CNTN6: variants seen among roughly 807,000 people sequenced by gnomAD.
The protein encoded by CNTN6 is contactin 6.
In CNTN6, 137 loss-of-function variants were observed where a neutral mutation model predicts 122.8. That is an observed-to-expected ratio of 1.12 (90% confidence interval 0.97 to 1.29). CNTN6 has a LOEUF of 1.29. CNTN6 is among the 50% of genes most tolerant of loss of function. The pLI, the probability that CNTN6 is intolerant of heterozygous loss-of-function variation, is 0.00. For synonymous variants in CNTN6, 570 were observed against 426.0 expected (o/e 1.34, Z -4.16); for missense variants, 1,634 against 1,223.4 (o/e 1.34, Z -5.01).
At chr3:1,111,195 T>C (rs2091463953) in intron 1 of CNTN6, among the ~76,000 whole-genome samples, 1 of 152,172 alleles carries the variant, frequency 6.6e-6, no homozygotes, top group Non-Finnish European at 1.5e-5. Flanking sequence ...TTGTAGATGT[T>C]ATGCGGAAAG....
At position 1,295,611 on chromosome 3, in the gene CNTN6, T is replaced by C; in HGVS notation, c.465T>C (p.Tyr155=). ...GPPPHFGDLS[Y]AWTFNDNPLY... ...TTTCTTGTTTTTCAGATTTATCTTA[T>C]GCATGGACCTTCAATGATAACCCCT... The change falls in exon 6 of 23, where the codon TAT becomes TAC. Residue 155 remains tyrosine (Y), a synonymous_variant. Transcript: ENST00000446702. The C allele has an allele frequency of 1.2e-6, 2 of 1,613,318 alleles. No homozygotes were observed. The highest frequency in any genetic ancestry group is 1.7e-6 in the Non-Finnish European group (2 of 1,179,454).
intron 6 of CNTN6, 92 bp downstream of exon 6, chr3:1,295,896 G>C (rs1218399419): frequency 2.6e-6 from 3 of 1,157,344 alleles, no homozygotes; most frequent in Non-Finnish European, 3.7e-6. Flanking sequence ...TTCTTGTTTG[G>C]TGGAGCCAAA....
intron 12 of CNTN6, among the ~76,000 whole-genome samples, chr3:1,360,378 G>A (rs952645666): frequency 1.3e-5 from 2 of 151,946 alleles, no homozygotes; most frequent in African/African-American, 4.8e-5. Flanking sequence ...CATTTGGCAG[G>A]CTTTGTCGCT....
chr3:1,256,563 T>C (rs765172500), intron 4 of CNTN6, among the ~76,000 whole-genome samples: 2 of 152,180 alleles, frequency 1.3e-5, no homozygotes, highest in Non-Finnish European at 2.9e-5. Context: ...AGAAAGTCTG[T>C]GCTAACCATA....
intron 5 of CNTN6, among the ~76,000 whole-genome samples, chr3:1,291,386 A>T (rs377158554): frequency 6.6e-6 from 1 of 152,206 alleles, no homozygotes; most frequent in Non-Finnish European, 1.5e-5. Flanking sequence ...CAGGGGAGAG[A>T]GGAAAATTAC....
intron 4 of CNTN6, among the ~76,000 whole-genome samples, chr3:1,250,332 C>T (rs989687546): frequency 1.3e-5 from 2 of 152,134 alleles, no homozygotes; most frequent in Admixed American, 6.5e-5. Flanking sequence ...TCACTTCTAC[C>T]TGTGGTTCCA....
At chr3:1,326,222 A>C (rs1701519364) in intron 9 of CNTN6, among the ~76,000 whole-genome samples, 1 of 151,884 alleles carries the variant, frequency 6.6e-6, no homozygotes, top group Non-Finnish European at 1.5e-5. Flanking sequence ...CATCATCATC[A>C]TCACCGTCAT....
intron 12 of CNTN6, among the ~76,000 whole-genome samples, chr3:1,366,440 G>C (rs1489715284): frequency 6.6e-6 from 1 of 152,124 alleles, no homozygotes; most frequent in Non-Finnish European, 1.5e-5. Flanking sequence ...TGGCACATAT[G>C]CACTCTTAGG....
At chr3:1,216,150 C>CT (rs550009055) in intron 2 of CNTN6, among the ~76,000 whole-genome samples, 1,521 of 146,432 alleles carry the variant, frequency 0.01, 12 homozygotes, top group Admixed American at 0.021. Context: ...CCCCACTTTA[C>CT]TTTTTTTTTT....
At position 1,245,314 on chromosome 3, in the gene CNTN6, ATATAT is replaced by A. The variant is rs1559598074; in HGVS notation, c.358+17322_358+17326del. On this transcript the variant is annotated intron_variant, in intron 4 of 22. Transcript: ENST00000446702. ...ATATAACATATATATATATATATATATATATATATATATATATATATAGCATGGAA... is the reference window on the plus strand; with the variant it reads ...ATATAACATATATATATATATATATAATATATATATATATATAGCATGGAA... Among the ~76,000 whole-genome samples the A allele has an allele frequency of 3.1e-3, 69 of 22,446 alleles. 9 individuals are homozygous for A. The South Asian group carries it at 0.038, about 12-fold the overall frequency. The allele number at this position is 22,446 out of a possible 152,430, so 14.7% of individuals were successfully genotyped here.
intron 5 of CNTN6, among the ~76,000 whole-genome samples, chr3:1,279,073 T>C (rs76314205): frequency 0.014 from 2,136 of 152,316 alleles, 26 homozygotes; most frequent in Non-Finnish European, 0.022. Flanking sequence ...TCACATTAAT[T>C]ACCGGAAGGG....
At chr3:1,157,803 A>T (rs2093009725) in intron 2 of CNTN6, among the ~76,000 whole-genome samples, 1 of 152,088 alleles carries the variant, frequency 6.6e-6, no homozygotes, top group African/African-American at 2.4e-5. Context: ...AGTTCCATCC[A>T]TGTTGTTTCA....
intron 5 of CNTN6, among the ~76,000 whole-genome samples, chr3:1,291,097 A>G (rs1189307196): frequency 1.3e-5 from 2 of 152,038 alleles, no homozygotes; most frequent in Non-Finnish European, 2.9e-5. Context: ...TGGCATCTGA[A>G]GGATCTAGGT....
chr3:1,103,274 G>C (rs1175058780), intron 1 of CNTN6, among the ~76,000 whole-genome samples: 1 of 152,184 alleles, frequency 6.6e-6, no homozygotes, highest in Non-Finnish European at 1.5e-5. Flanking sequence ...TTGTGAATCT[G>C]TGTTGCTGAC....
intron 1 of CNTN6, among the ~76,000 whole-genome samples, chr3:1,111,569 A>G (rs952995364): frequency 3.3e-5 from 5 of 152,190 alleles, no homozygotes; most frequent in African/African-American, 1.2e-4. Context: ...CAGAGCACCA[A>G]GCACCCTAGG....
At chr3:1,251,770 A>AT (rs1403021375) in intron 4 of CNTN6, among the ~76,000 whole-genome samples, 1 of 152,114 alleles carries the variant, frequency 6.6e-6, no homozygotes, top group Admixed American at 6.6e-5. Flanking sequence ...ATGAGCTAGT[A>AT]TTTTTCTCCT....
At chr3:1,174,882 C>T (rs2093420280) in intron 2 of CNTN6, among the ~76,000 whole-genome samples, 1 of 152,130 alleles carries the variant, frequency 6.6e-6, no homozygotes, top group African/African-American at 2.4e-5. Flanking sequence ...TATGCATGCG[C>T]CCACACACGC....
chr3:1,099,173 C>T (rs571753358), intron 1 of CNTN6, among the ~76,000 whole-genome samples: 36 of 152,198 alleles, frequency 2.4e-4, no homozygotes, highest in African/African-American at 6.0e-4. Flanking sequence ...CACATTTCGC[C>T]GGGCTCAGTG....
At chr3:1,202,543 A>AAAAT (rs201394766) in intron 2 of CNTN6, among the ~76,000 whole-genome samples, 11,175 of 126,230 alleles carry the variant, frequency 0.089, 578 homozygotes, top group Non-Finnish European at 0.13. Flanking sequence ...TCCGTCTCAA[A>AAAAT]AAATAAATAA....
Sources: allele counts gnomAD v4.1 joint callset (sites outside exome capture counted in the v4.1 genomes callset), GRCh38; gene constraint gnomAD v4.1.1; transcripts MANE v1.5; gene names NCBI Gene and HGNC (gene_info 2026-07-23, HGNC 2026-07-21).